Variants in ARHGAP6 observed in about 807,000 individuals in gnomAD.
ARHGAP6 encodes the protein Rho GTPase activating protein 6.
ARHGAP6 carries 16 observed loss-of-function variants against 55.7 expected under a neutral mutation model. The observed-to-expected ratio is 0.29, with a 90% CI of 0.19 to 0.44. ARHGAP6 has a LOEUF of 0.44. Ranked by LOEUF, ARHGAP6 falls within the 20% of genes least tolerant of loss-of-function variation. The pLI, the probability that ARHGAP6 is intolerant of heterozygous loss-of-function variation, is 1.00. For synonymous variants in ARHGAP6, 382 were observed against 360.9 expected (o/e 1.06, Z -0.66); for missense variants, 698 against 808.9 (o/e 0.86, Z 1.66).
At chrX:11,262,649 G>A (rs1052607807) in intron 1 of ARHGAP6, among the ~76,000 whole-genome samples, 1 of 111,396 alleles carries the variant, frequency 9.0e-6, no homozygotes, top group African/African-American at 3.3e-5. Flanking sequence ...TGTTAAACAC[G>A]TAGGTTCCTT....
intron 1 of ARHGAP6, among the ~76,000 whole-genome samples, chrX:11,513,271 C>G (rs2050802301): frequency 9.0e-6 from 1 of 111,272 alleles, no homozygotes; most frequent in Admixed American, 9.6e-5. Flanking sequence ...CAGGACCCCC[C>G]AGCAAAAACA....
At chrX:11,324,309 G>A (rs991277124) in intron 1 of ARHGAP6, among the ~76,000 whole-genome samples, 1 of 110,054 alleles carries the variant, frequency 9.1e-6, no homozygotes, top group Non-Finnish European at 1.9e-5. Flanking sequence ...CAAAGTAAAA[G>A]CAGACTGGTC....
chrX:11,611,913 C>T (rs1257066862), intron 1 of ARHGAP6, among the ~76,000 whole-genome samples: 1 of 92,386 alleles, frequency 1.1e-5, no homozygotes, highest in Non-Finnish European at 2.2e-5. Context: ...ACCCTGGGGA[C>T]AGAAAAGTAC....
At chrX:11,253,869 C>A (rs909005380) in intron 2 of ARHGAP6, among the ~76,000 whole-genome samples, 1 of 107,390 alleles carries the variant, frequency 9.3e-6, no homozygotes, top group South Asian at 4.3e-4. Flanking sequence ...TGTGCCACTG[C>A]ACTCCAGCCT....
At chrX:11,433,000 T>A (rs2049954950) in intron 1 of ARHGAP6, among the ~76,000 whole-genome samples, 1 of 112,568 alleles carries the variant, frequency 8.9e-6, no homozygotes, top group African/African-American at 3.2e-5. Flanking sequence ...CTTCCAGGGA[T>A]ATGGAGATAG....
intron 1 of ARHGAP6, among the ~76,000 whole-genome samples, chrX:11,474,265 T>C (rs947826216): frequency 3.6e-5 from 4 of 112,129 alleles, no homozygotes; most frequent in Non-Finnish European, 7.5e-5. Context: ...CACAACAGTT[T>C]CATCCCCAAG....
intron 1 of ARHGAP6, among the ~76,000 whole-genome samples, chrX:11,461,177 A>G (rs2050240513): frequency 8.9e-6 from 1 of 112,262 alleles, no homozygotes; most frequent in East Asian, 2.8e-4. Flanking sequence ...GATCTCACGT[A>G]ACTCAAGCTG....
chrX:11,422,268 A>AT (rs2049831527), intron 1 of ARHGAP6, among the ~76,000 whole-genome samples: 1 of 111,111 alleles, frequency 9.0e-6, no homozygotes, highest in Non-Finnish European at 1.9e-5. Context: ...AAAAAAAAAA[A>AT]GCCTATCACA....
At chrX:11,181,457 C>T (rs1380815876) in intron 6 of ARHGAP6, among the ~76,000 whole-genome samples, 1 of 111,876 alleles carries the variant, frequency 8.9e-6, no homozygotes, top group African/African-American at 3.2e-5. Flanking sequence ...GATGGTTTGC[C>T]TTTTATGAAG....
chrX:11,351,406 C>T, intron 1 of ARHGAP6: 1 of 969,996 alleles, frequency 1.0e-6, no homozygotes, highest in South Asian at 2.0e-5. Flanking sequence ...TACATGAGAA[C>T]AGTCGACCCA....
At chrX:11,390,650 A>G (rs1267244777) in intron 1 of ARHGAP6, among the ~76,000 whole-genome samples, 5 of 112,132 alleles carry the variant, frequency 4.5e-5, no homozygotes, top group East Asian at 2.8e-4. Context: ...AAAAGTGGGC[A>G]AAGGATATGA....
intron 1 of ARHGAP6, among the ~76,000 whole-genome samples, chrX:11,404,133 C>T (rs943955453): frequency 9.0e-6 from 1 of 111,715 alleles, no homozygotes; most frequent in Non-Finnish European, 1.9e-5. Flanking sequence ...AACTGATTCA[C>T]ACCTGGGTCA....
intron 4 of ARHGAP6, among the ~76,000 whole-genome samples, 158 bp from the exon 5 acceptor site, chrX:11,186,589 A>AAAAAAGATGCCTTTTG (rs1326112330): frequency 8.9e-6 from 1 of 112,418 alleles, no homozygotes; most frequent in Non-Finnish European, 1.9e-5. Context: ...AAATTAAAAG[A>AAAAAAGATGCCTTTTG]AAAAAGATGC....
Position 11,665,612 on chromosome X carries a change from G to T in ARHGAP6, c.-784C>A, listed in dbSNP as rs773659361. Reference sequence around the variant, plus strand: ...GATGGAATTCCCGGCGGCGCTCAGCGCTCTCCGTGGAGGAGGGAGCTCAGG... The same window carrying T: ...GATGGAATTCCCGGCGGCGCTCAGCTCTCTCCGTGGAGGAGGGAGCTCAGG... On this transcript the variant is annotated 5_prime_UTR_variant, in exon 1 of 13. Coordinates refer to ENST00000337414, the MANE Select transcript of ARHGAP6 (RefSeq NM_013427.3). 8.8e-6 allele frequency: 1 copy of T among 113,461 alleles called. No individual in the cohort carries two copies. Among genetic ancestry groups the T allele is most frequent in the Non-Finnish European group, 1.9e-5 (1 of 53,394 alleles). 9.4% of individuals were successfully genotyped at this position (113,461 alleles called of 1,213,427 possible). A position where few individuals can be genotyped will look rare whatever the true frequency, so the allele number is the denominator to read the frequency against.
At chrX:11,526,496 C>G (rs2050990771) in intron 1 of ARHGAP6, among the ~76,000 whole-genome samples, 1 of 111,926 alleles carries the variant, frequency 8.9e-6, no homozygotes, top group Non-Finnish European at 1.9e-5. Flanking sequence ...CCCTCCCCTC[C>G]CCTCACCTTG....
At chrX:11,255,362 G>A (rs1307959480) in intron 1 of ARHGAP6, among the ~76,000 whole-genome samples, 5 of 109,656 alleles carry the variant, frequency 4.6e-5, no homozygotes, top group Admixed American at 3.9e-4. Flanking sequence ...ACCTTATGAA[G>A]TGGTTAACAT....
chrX:11,505,950 C>T (rs1315830174), intron 1 of ARHGAP6, among the ~76,000 whole-genome samples: 1 of 110,824 alleles, frequency 9.0e-6, no homozygotes, highest in Non-Finnish European at 1.9e-5. Context: ...ATGCTTATTA[C>T]CTGGGTGATG....
intron 1 of ARHGAP6, among the ~76,000 whole-genome samples, chrX:11,323,555 T>A (rs774074254): frequency 8.9e-6 from 1 of 111,918 alleles, no homozygotes; most frequent in South Asian, 3.7e-4. Context: ...AGTTTGCAAA[T>A]GAAAAACTCA....
intron 1 of ARHGAP6, among the ~76,000 whole-genome samples, chrX:11,505,863 A>G (rs190675248): frequency 2.0e-3 from 219 of 111,179 alleles, no homozygotes; most frequent in Non-Finnish European, 3.7e-3. Flanking sequence ...ACTCATGGAG[A>G]CAAAGAAGAG....
Sources: gnomAD v4.1 joint callset for allele counts (sites outside exome capture counted in the v4.1 genomes callset) on GRCh38, gnomAD v4.1.1 for gene constraint, MANE v1.5 for transcripts, NCBI Gene and HGNC (gene_info 2026-07-23, HGNC 2026-07-21) for gene names.